Variants in PSMB3 observed in about 807,000 individuals in gnomAD.
PSMB3 encodes proteasome subunit beta type-3.
In PSMB3, 5 loss-of-function variants were observed where a neutral mutation model predicts 23.3. That is an observed-to-expected ratio of 0.21 (90% CI 0.11 to 0.45). PSMB3 has a LOEUF of 0.45. Ranked by LOEUF, PSMB3 falls within the 20% of genes least tolerant of loss-of-function variation. The pLI, the probability that PSMB3 is intolerant of heterozygous loss-of-function variation, is 0.99. For missense variants in PSMB3, 192 were observed against 277.9 expected (o/e 0.69, Z 2.20); for synonymous variants, 85 against 99.8 (o/e 0.85, Z 0.88).
chr17:38,756,958 C>T (rs1311500368), intron 3 of PSMB3, among the ~76,000 whole-genome samples: 7 of 150,724 alleles, frequency 4.6e-5, no homozygotes, highest in African/African-American at 1.7e-4. Flanking sequence ...ATCTCCACCT[C>T]CCGGGTCCAA....
At chr17:38,756,497 CTTT>C (rs1243162036) in intron 3 of PSMB3, among the ~76,000 whole-genome samples, 2 of 151,904 alleles carry the variant, frequency 1.3e-5, no homozygotes, top group Non-Finnish European at 2.9e-5. Context: ...GTTGAGCTCT[CTTT>C]TTCTTTTTTT....
chr17:38,756,011 C>T (rs759993574), intron 3 of PSMB3, 21 bp downstream of exon 3: 1 of 1,565,712 alleles, frequency 6.4e-7, no homozygotes, highest in Non-Finnish European at 8.8e-7. Flanking sequence ...GTGTAGCTAG[C>T]ACTGAGGGAA....
At chr17:38,763,369 A>G (rs1391217672) in intron 5 of PSMB3, among the ~76,000 whole-genome samples, 1 of 151,984 alleles carries the variant, frequency 6.6e-6, no homozygotes, top group Non-Finnish European at 1.5e-5. Flanking sequence ...AAACAAAAAC[A>G]AAAACAAAAA....
At chr17:38,753,971 C>T (rs1465857715) in intron 2 of PSMB3, among the ~76,000 whole-genome samples, 2 of 152,048 alleles carry the variant, frequency 1.3e-5, no homozygotes, top group Admixed American at 1.3e-4. Context: ...GAGAGCTGAA[C>T]GTTACATTTA....
At chr17:38,761,299 G>C (rs1173950944) in intron 4 of PSMB3, among the ~76,000 whole-genome samples, 1 of 143,106 alleles carries the variant, frequency 7.0e-6, no homozygotes, top group African/African-American at 2.7e-5. Flanking sequence ...GGTGAACAAA[G>C]ATCGTGCCAT....
Position 38,753,475 on chromosome 17 carries a change from T to C in PSMB3, c.188+141T>C, listed in dbSNP as rs1429618261. On this transcript the variant is annotated intron_variant, in intron 2 of 5. Transcript: ENST00000619426. ...TTTGCCGCCTCCAAAAAACATGTCC[T>C]TCCCTTTCTTTTTTTTTTTTTTAGA... 6 of 797,860 alleles carry C rather than the reference T, an allele frequency of 7.5e-6. No homozygotes were observed. The African/African-American group carries it at 1.1e-4, about 15-fold the overall frequency. The allele number at this position is 797,860 out of a possible 1,614,324, so 49.4% of individuals were successfully genotyped here. A position where few individuals can be genotyped will look rare whatever the true frequency, so the allele number is the denominator to read the frequency against.
chr17:38,757,692 G>A (rs1908265480), intron 3 of PSMB3, among the ~76,000 whole-genome samples: 1 of 152,216 alleles, frequency 6.6e-6, no homozygotes, highest in Non-Finnish European at 1.5e-5. Flanking sequence ...GCACACACCG[G>A]TAATCCCAGC....
chr17:38,755,003 C>CT (rs35692048), intron 2 of PSMB3, among the ~76,000 whole-genome samples: 16,331 of 144,834 alleles, frequency 0.11, 1,232 homozygotes, highest in East Asian at 0.36. Flanking sequence ...GTGCTGCCCC[C>CT]TTTTTTTTTT....
At chr17:38,753,968 G>T (rs766869861) in intron 2 of PSMB3, among the ~76,000 whole-genome samples, 29 of 152,216 alleles carry the variant, frequency 1.9e-4, no homozygotes, top group Non-Finnish European at 3.8e-4. Context: ...TTTGAGAGCT[G>T]AACGTTACAT....
intron 2 of PSMB3, 22 bp from the exon 3 acceptor site, chr17:38,755,861 A>G: frequency 6.4e-7 from 1 of 1,569,500 alleles, no homozygotes; most frequent in Non-Finnish European, 8.7e-7. Flanking sequence ...TGACTTACTA[A>G]CTCACTTTTC....
intron 5 of PSMB3, among the ~76,000 whole-genome samples, chr17:38,763,408 G>GT (rs538586972): frequency 1.9e-4 from 29 of 149,992 alleles, no homozygotes; most frequent in Admixed American, 1.5e-3. Flanking sequence ...ACCACCGACG[G>GT]TTTTTTTTTA....
At chr17:38,755,003 C>T (rs76234113) in intron 2 of PSMB3, among the ~76,000 whole-genome samples, 17,408 of 144,842 alleles carry the variant, frequency 0.12, 1,586 homozygotes, top group African/African-American at 0.24. Context: ...GTGCTGCCCC[C>T]TTTTTTTTTT....
At chr17:38,759,693 C>T (rs905311118) in intron 3 of PSMB3, among the ~76,000 whole-genome samples, 3 of 152,006 alleles carry the variant, frequency 2.0e-5, no homozygotes, top group Non-Finnish European at 4.4e-5. Context: ...TATAGTCACC[C>T]GCCACCATGC....
chr17:38,758,503 C>A (rs1245201327), intron 3 of PSMB3, among the ~76,000 whole-genome samples: 1 of 151,954 alleles, frequency 6.6e-6, no homozygotes, highest in Non-Finnish European at 1.5e-5. Flanking sequence ...CCATGCCTGG[C>A]TAATTTTTAA....
At chr17:38,754,918 T>C (rs549327503) in intron 2 of PSMB3, among the ~76,000 whole-genome samples, 1 of 152,258 alleles carries the variant, frequency 6.6e-6, no homozygotes, top group African/African-American at 2.4e-5. Flanking sequence ...CCTTTTTTCC[T>C]TTTTTCACCA....
intron 2 of PSMB3, 145 bp from the exon 3 acceptor site, chr17:38,755,738 G>A: frequency 2.0e-6 from 1 of 497,112 alleles, no homozygotes; most frequent in Admixed American, 3.1e-5. Flanking sequence ...AGCACCAGTT[G>A]CTACTTCCTA....
intron 5 of PSMB3, among the ~76,000 whole-genome samples, chr17:38,762,921 C>T (rs1270338444): frequency 1.3e-5 from 2 of 152,152 alleles, no homozygotes; most frequent in African/African-American, 4.8e-5. Context: ...TCCCTAAGTG[C>T]CATCCTCCTT....
At chr17:38,762,868 G>C (rs1404749877) in intron 5 of PSMB3, among the ~76,000 whole-genome samples, 1 of 152,166 alleles carries the variant, frequency 6.6e-6, no homozygotes, top group African/African-American at 2.4e-5. Context: ...AGATCTGTGT[G>C]ATGTTCTGAG....
chr17:38,753,288 C>T lies in PSMB3; in HGVS notation c.142C>T (p.Arg48Trp). The T allele has an allele frequency of 6.2e-7, 1 of 1,614,102 alleles. No individual in the cohort carries two copies. Among genetic ancestry groups the T allele is most frequent in the Non-Finnish European group, 8.5e-7 (1 of 1,180,008 alleles). Residue 48 changes from arginine (R) to tryptophan (W), a missense_variant, in exon 2 of 6, where the codon CGG (arginine) becomes TGG (tryptophan). Transcript: ENST00000619426. ...DFQKIFPMGD[R>W]LYIGLAGLAT... ...CCAGAAGATCTTTCCCATGGGTGACCGGCTGTACATCGGTCTGGCCGGGCT... is the reference window on the plus strand; with the variant it reads ...CCAGAAGATCTTTCCCATGGGTGACTGGCTGTACATCGGTCTGGCCGGGCT...
Sources: allele counts gnomAD v4.1 joint callset (sites outside exome capture counted in the v4.1 genomes callset), GRCh38; gene constraint gnomAD v4.1.1; transcripts MANE v1.5; gene names NCBI Gene and HGNC (gene_info 2026-07-23, HGNC 2026-07-21).